The following NUDCD1 variants were observed in gnomAD, a reference collection of about 807,000 sequenced individuals.
The protein encoded by NUDCD1 is NudC domain containing 1.
In NUDCD1, 60 loss-of-function variants were observed where a neutral mutation model predicts 67.8. The observed-to-expected ratio is 0.88, with a 90% CI of 0.72 to 1.10. NUDCD1 has a LOEUF of 1.10. Among genes scored for constraint, NUDCD1 ranks in the 50% least tolerant of loss-of-function variants. The pLI is 0.00. For synonymous variants in NUDCD1, 244 were observed against 230.8 expected (o/e 1.06, Z -0.52); for missense variants, 643 against 695.0 (o/e 0.93, Z 0.84).
At chr8:109,316,318 T>C (rs1815394598) in intron 2 of NUDCD1, 1 of 152,210 alleles carries the variant, frequency 6.6e-6, no homozygotes, top group Non-Finnish European at 1.5e-5. Flanking sequence ...ATTCTGTCTT[T>C]ATAAACCAGT....
At chr8:109,251,406 C>T (rs543724472) in intron 8 of NUDCD1, among the ~76,000 whole-genome samples, 1 of 151,888 alleles carries the variant, frequency 6.6e-6, no homozygotes, top group Non-Finnish European at 1.5e-5. Context: ...CTCCTGACTT[C>T]GTGATCCACC....
In NUDCD1 at chr8:109,291,698, A is replaced by G. The variant is rs570138696; in HGVS notation, c.640+1646T>C. Among the ~76,000 whole-genome samples, 3 of 152,330 alleles carry G rather than the reference A, an allele frequency of 2.0e-5. No individual in the cohort carries two copies. In the South Asian group the frequency reaches 6.2e-4, roughly 32 times the overall value. On this transcript the variant is annotated intron_variant, in intron 4 of 9. Coordinates refer to ENST00000239690, the MANE Select transcript of NUDCD1 (RefSeq NM_032869.4). ...ATAAAGGGAACAATAAAGAGAATTA[A>G]TGATTCTATAACTACAATCTTGGGA...
At chr8:109,328,167 C>A (rs1376068998) in intron 1 of NUDCD1, among the ~76,000 whole-genome samples, 1 of 152,152 alleles carries the variant, frequency 6.6e-6, no homozygotes, top group Non-Finnish European at 1.5e-5. Context: ...AGCCCCACCA[C>A]CAATCTAGTT....
chr8:109,255,858 G>C (rs1037045538), intron 8 of NUDCD1, among the ~76,000 whole-genome samples: 3 of 152,104 alleles, frequency 2.0e-5, no homozygotes, highest in Non-Finnish European at 4.4e-5. Flanking sequence ...AGACTCTAAG[G>C]GAACAGCATG....
intron 6 of NUDCD1, among the ~76,000 whole-genome samples, chr8:109,278,856 A>C (rs1814362295): frequency 1.3e-5 from 2 of 152,256 alleles, no homozygotes; most frequent in Admixed American, 1.3e-4. Flanking sequence ...TATGTTTGCA[A>C]ATTTGTTTTG....
intron 9 of NUDCD1, 55 bp from the exon 10 acceptor site, chr8:109,243,356 A>C: frequency 7.3e-7 from 1 of 1,363,634 alleles, no homozygotes; most frequent in East Asian, 2.3e-5. Flanking sequence ...CAGAAGGGGA[A>C]AAATGATGAT....
At position 109,289,827 on chromosome 8, in the gene NUDCD1, G is replaced by A. The variant is rs750207478; in HGVS notation, c.747C>T (p.Tyr249=). The A allele has an allele frequency of 1.3e-6, 2 of 1,563,892 alleles. No individual in the cohort carries two copies. Among genetic ancestry groups the A allele is most frequent in the South Asian group, 1.2e-5 (1 of 86,474 alleles). Reference sequence around the variant, plus strand: ...CAGCCTGAACAAATGTTAAAGACTTGTAGGATACAATCATTAGACCATTTC... The same window carrying A: ...CAGCCTGAACAAATGTTAAAGACTTATAGGATACAATCATTAGACCATTTC... ...PDGNGLMIVS[Y]KSLTFVQAGQ... is the part of the protein sequence containing the mutation. Residue 249 remains tyrosine, a synonymous_variant, in exon 5 of 10, where the codon TAC becomes TAT. Coordinates refer to ENST00000239690, the MANE Select transcript of NUDCD1 (RefSeq NM_032869.4).
At chr8:109,270,078 G>GGTGGCT (rs1814105419) in intron 8 of NUDCD1, among the ~76,000 whole-genome samples, 2 of 82,630 alleles carry the variant, frequency 2.4e-5, no homozygotes, top group African/African-American at 9.5e-5. Context: ...GGGGGGGGGG[G>GGTGGCT]GGGGTGCCTT....
chr8:109,293,668 T>G, intron 3 of NUDCD1, 144 bp from the exon 4 acceptor site: 28 of 415,584 alleles, frequency 6.7e-5, no homozygotes, highest in East Asian at 7.7e-5. Flanking sequence ...AAAAGGCCTT[T>G]ACATAAAGAC....
intron 4 of NUDCD1, among the ~76,000 whole-genome samples, chr8:109,290,271 G>A (rs879929878): frequency 1.3e-5 from 2 of 152,172 alleles, no homozygotes; most frequent in Non-Finnish European, 2.9e-5. Context: ...CACATGGCTA[G>A]TAGCTACTGC....
chr8:109,291,293 A>C (rs2980622), intron 4 of NUDCD1, among the ~76,000 whole-genome samples: 61,643 of 151,938 alleles, frequency 0.41, 12,771 homozygotes, highest in South Asian at 0.5. Context: ...TAGGTGCACA[A>C]CACCATGCCG....
At chr8:109,305,052 G>A (rs1174063378) in intron 2 of NUDCD1, among the ~76,000 whole-genome samples, 6 of 152,114 alleles carry the variant, frequency 3.9e-5, no homozygotes, top group Admixed American at 6.5e-5. Flanking sequence ...CCTTTCCATC[G>A]TGGAAATCTA....
chr8:109,333,888 C>G lies in NUDCD1; in HGVS notation c.118+5G>C. Reference sequence around the variant, plus strand: ...CGGAGTACGAAGGGCGCCGCCGCTTCCCACCTGCGTCAAGCTCCAGCTGGT... The same window carrying G: ...CGGAGTACGAAGGGCGCCGCCGCTTGCCACCTGCGTCAAGCTCCAGCTGGT... On this transcript the variant is annotated splice_donor_5th_base_variant and intron_variant, in intron 1 of 9. Transcript: ENST00000239690. The G allele has an allele frequency of 6.2e-7, 1 of 1,613,988 alleles. No individual in the cohort carries two copies. Among genetic ancestry groups the G allele is most frequent in the Non-Finnish European group, 8.5e-7 (1 of 1,179,888 alleles).
intron 2 of NUDCD1, among the ~76,000 whole-genome samples, chr8:109,312,298 C>T (rs1479685542): frequency 1.2e-5 from 1 of 82,590 alleles, no homozygotes; most frequent in Non-Finnish European, 2.3e-5. Context: ...GAGACACTGT[C>T]AAAAAAAAAA....
At position 109,289,884 on chromosome 8, in the gene NUDCD1, T is replaced by C; in HGVS notation, c.690A>G (p.Ser230=). 2 of 1,538,224 alleles carry C rather than the reference T, an allele frequency of 1.3e-6. No individual in the cohort carries two copies. The highest frequency in any genetic ancestry group is 1.7e-6 in the Non-Finnish European group (2 of 1,146,922). Reference sequence around the variant, plus strand: ...GCTCAATAGCAGCATAATGTGGCACTGACTTTCCACGGAGAATATCACGCT... The same window carrying C: ...GCTCAATAGCAGCATAATGTGGCACCGACTTTCCACGGAGAATATCACGCT... The part of the protein sequence containing the change: ...IIKRDILRGK[S]VPHYAAIEPD... Residue 230 remains serine, a synonymous_variant, in exon 5 of 10, where the codon TCA becomes TCG. Coordinates refer to ENST00000239690, the MANE Select transcript of NUDCD1 (RefSeq NM_032869.4).
At chr8:109,299,085 G>T (rs1814914832) in intron 2 of NUDCD1, among the ~76,000 whole-genome samples, 1 of 152,228 alleles carries the variant, frequency 6.6e-6, no homozygotes, top group Non-Finnish European at 1.5e-5. Flanking sequence ...AGAGGAAGCA[G>T]CAGGGAAAGC....
intron 8 of NUDCD1, among the ~76,000 whole-genome samples, chr8:109,257,622 T>C (rs1467990758): frequency 1.3e-5 from 2 of 151,888 alleles, no homozygotes; most frequent in African/African-American, 4.8e-5. Flanking sequence ...ACCAAACCTA[T>C]TTAGGAAAAA....
At chr8:109,266,148 C>CA (rs1813987524) in intron 8 of NUDCD1, among the ~76,000 whole-genome samples, 1 of 89,778 alleles carries the variant, frequency 1.1e-5, no homozygotes, top group African/African-American at 7.1e-5. Context: ...GATAAATTAA[C>CA]TTTAATAACA....
At chr8:109,314,550 T>C (rs966939286) in intron 2 of NUDCD1, among the ~76,000 whole-genome samples, 2 of 152,022 alleles carry the variant, frequency 1.3e-5, no homozygotes, top group Non-Finnish European at 2.9e-5. Context: ...CTACTCCACA[T>C]TTGCTTGAGA....
Sources: gnomAD v4.1 joint callset for allele counts (sites outside exome capture counted in the v4.1 genomes callset) on GRCh38, gnomAD v4.1.1 for gene constraint, MANE v1.5 for transcripts, NCBI Gene and HGNC (gene_info 2026-07-23, HGNC 2026-07-21) for gene names.